The following KSR2 variants were observed in gnomAD, a reference collection of about 807,000 sequenced individuals.
KSR2 encodes kinase suppressor of ras 2.
Under a neutral mutation model 107.8 loss-of-function variants are expected in KSR2, and 25 were observed. That is an observed-to-expected ratio of 0.23 (90% CI 0.17 to 0.32). The LOEUF is 0.32. KSR2 is among the 10% of genes least tolerant of loss of function. The pLI is 1.00. For synonymous variants in KSR2, 480 were observed against 507.0 expected (o/e 0.95, Z 0.71); for missense variants, 887 against 1,268.9 (o/e 0.70, Z 4.57).
At chr12:117,942,698 C>T (rs114983445) in intron 1 of KSR2, among the ~76,000 whole-genome samples, 1 of 150,802 alleles carries the variant, frequency 6.6e-6, no homozygotes, top group African/African-American at 2.4e-5. Flanking sequence ...AAGAGTTTTG[C>T]CATGTTGTCC....
At chr12:117,530,897 C>A (rs772409459) in intron 12 of KSR2, 44 bp downstream of exon 12, 4 of 1,551,120 alleles carry the variant, frequency 2.6e-6, no homozygotes, top group Admixed American at 1.7e-5. Flanking sequence ...AGGGCCAGGG[C>A]TGGGAAGCTT....
chr12:117,924,972 A>G (rs929211311), intron 1 of KSR2, among the ~76,000 whole-genome samples: 2 of 152,218 alleles, frequency 1.3e-5, no homozygotes, highest in African/African-American at 4.8e-5. Flanking sequence ...TGAAGTATTT[A>G]CAGATAAAAA....
chr12:117,661,866 G>A (rs1884445451), intron 5 of KSR2, among the ~76,000 whole-genome samples: 1 of 152,174 alleles, frequency 6.6e-6, no homozygotes, highest in African/African-American at 2.4e-5. Context: ...GTTGCTTCTG[G>A]GAAGCAGGAT....
chr12:117,954,409 G>A (rs545182272), intron 1 of KSR2, among the ~76,000 whole-genome samples: 135 of 152,184 alleles, frequency 8.9e-4, no homozygotes, highest in Non-Finnish European at 1.2e-3. Context: ...AAGGCCTGCC[G>A]GCCACTGATG....
At chr12:117,483,940 G>A (rs1280510443) in intron 16 of KSR2, among the ~76,000 whole-genome samples, 1 of 152,164 alleles carries the variant, frequency 6.6e-6, no homozygotes, top group African/African-American at 2.4e-5. Flanking sequence ...GTTCAGAGAC[G>A]TTGTTCGGCT....
intron 4 of KSR2, among the ~76,000 whole-genome samples, chr12:117,746,102 A>C (rs995454052): frequency 2.0e-5 from 3 of 152,174 alleles, no homozygotes; most frequent in African/African-American, 7.2e-5. Flanking sequence ...ATATGGAACC[A>C]AAAAAGAGCC....
intron 5 of KSR2, among the ~76,000 whole-genome samples, chr12:117,667,142 G>T (rs566242213): frequency 6.6e-6 from 1 of 152,170 alleles, no homozygotes; most frequent in East Asian, 1.9e-4. Flanking sequence ...GGGAGAGAGA[G>T]GGCGGGTGCC....
intron 1 of KSR2, among the ~76,000 whole-genome samples, chr12:117,916,173 G>A (rs902913804): frequency 8.5e-6 from 1 of 118,334 alleles, no homozygotes; most frequent in Non-Finnish European, 1.6e-5. Context: ...GTCTCACTCT[G>A]TCACCCAGGC....
chr12:117,836,562 CAG>C (rs1161640545), intron 3 of KSR2, among the ~76,000 whole-genome samples: 5 of 152,168 alleles, frequency 3.3e-5, no homozygotes, highest in African/African-American at 9.7e-5. Context: ...GTTTCAAAGA[CAG>C]AGGTTCCGAT....
chr12:117,892,018 G>A (rs1236145255), intron 1 of KSR2, among the ~76,000 whole-genome samples: 2 of 95,000 alleles, frequency 2.1e-5, no homozygotes, highest in Non-Finnish European at 3.9e-5. Context: ...CCACATAACG[G>A]CCCAGTGCGG....
At chr12:117,611,649 T>C (rs1881608471) in intron 5 of KSR2, among the ~76,000 whole-genome samples, 1 of 152,164 alleles carries the variant, frequency 6.6e-6, no homozygotes, top group African/African-American at 2.4e-5. Flanking sequence ...CGAGTAGAAA[T>C]GACAGCTGAG....
At chr12:117,666,987 T>C (rs994103387) in intron 5 of KSR2, among the ~76,000 whole-genome samples, 11 of 152,136 alleles carry the variant, frequency 7.2e-5, no homozygotes, top group African/African-American at 2.2e-4. Flanking sequence ...TCAACCCCAT[T>C]TGAACCCAAA....
chr12:117,626,190 G>T (rs1476357428), intron 5 of KSR2, among the ~76,000 whole-genome samples: 2 of 151,634 alleles, frequency 1.3e-5, no homozygotes, highest in African/African-American at 4.9e-5. Flanking sequence ...CGGGTTTTTT[G>T]TGTCTCTATC....
intron 1 of KSR2, among the ~76,000 whole-genome samples, chr12:117,893,878 A>G (rs903071322): frequency 6.6e-5 from 10 of 151,730 alleles, no homozygotes; most frequent in Admixed American, 3.9e-4. Context: ...CAAAATTCAT[A>G]GCCAGAAAAA....
At chr12:117,660,797 G>A (rs1884402016) in intron 5 of KSR2, among the ~76,000 whole-genome samples, 2 of 152,146 alleles carry the variant, frequency 1.3e-5, no homozygotes, top group Non-Finnish European at 2.9e-5. Flanking sequence ...TTTGACACAC[G>A]TGCAGTCCCT....
At chr12:117,694,027 G>A (rs902203480) in intron 4 of KSR2, among the ~76,000 whole-genome samples, 1 of 152,190 alleles carries the variant, frequency 6.6e-6, no homozygotes, top group African/African-American at 2.4e-5. Context: ...ATAAGTGAAA[G>A]GGTTAACCAA....
chr12:117,691,269 G>T (rs1885801095), intron 4 of KSR2, among the ~76,000 whole-genome samples: 1 of 152,162 alleles, frequency 6.6e-6, no homozygotes, highest in African/African-American at 2.4e-5. Flanking sequence ...GGTAGACTCA[G>T]GGAGCAATGT....
chr12:117,794,091 C>T lies in KSR2; in HGVS notation c.473-32567G>A, dbSNP rs1255959080. Among the ~76,000 whole-genome samples the T allele has an allele frequency of 6.1e-4, 78 of 127,086 alleles. 12 individuals carry two copies. The highest frequency in any genetic ancestry group is 2.8e-3 in the African/African-American group (74 of 26,836). The allele number at this position is 127,086 out of a possible 152,430, so 83.4% of individuals were successfully genotyped here. On this transcript the variant is annotated intron_variant, in intron 3 of 19. Transcript: ENST00000339824. ...ACACATACACCAACATGCACACTCA[C>T]ACCAACATGCACACTCACACCAACA...
In KSR2 at chr12:117,823,547, G is replaced by A. The variant is rs189786271; in HGVS notation, c.472+31881C>T. Among the ~76,000 whole-genome samples the A allele has an allele frequency of 3.5e-3, 528 of 152,292 alleles. 2 individuals are homozygous for A. Among genetic ancestry groups the A allele is most frequent in the Non-Finnish European group, 4.8e-3 (325 of 68,024 alleles). ...TACTAAGAAGAAAAAAACATCAGGT[G>A]GAAGGGCAACTGCAGGGAAAAGAGG... On this transcript the variant is annotated intron_variant, in intron 3 of 19. Transcript: ENST00000339824.
Sources: gnomAD v4.1 joint callset for allele counts (sites outside exome capture counted in the v4.1 genomes callset) on GRCh38, gnomAD v4.1.1 for gene constraint, MANE v1.5 for transcripts, NCBI Gene and HGNC (gene_info 2026-07-23, HGNC 2026-07-21) for gene names.